The following PALM2AKAP2 variants were observed in gnomAD, a reference collection of about 807,000 sequenced individuals.
PALM2AKAP2 encodes the protein PALM2-AKAP2 fusion protein.
In PALM2AKAP2, 37 loss-of-function variants were observed where a neutral mutation model predicts 71.5. The ratio of observed to expected loss-of-function variants is 0.52; its 90% CI spans 0.40 to 0.68. The LOEUF is 0.68. Among genes scored for constraint, PALM2AKAP2 ranks in the 30% least tolerant of loss-of-function variants. PALM2AKAP2 has a pLI of 0.00. For synonymous variants in PALM2AKAP2, 468 were observed against 478.8 expected (o/e 0.98, Z 0.29); for missense variants, 1,224 against 1,191.8 (o/e 1.03, Z -0.40).
At chr9:109,804,870 T>C (rs978062108) in intron 1 of PALM2AKAP2, among the ~76,000 whole-genome samples, 3 of 152,208 alleles carry the variant, frequency 2.0e-5, no homozygotes, top group Admixed American at 6.5e-5. Flanking sequence ...TATGTTAACA[T>C]TTTTAAAGAA....
At chr9:109,862,427 T>C (rs1162968605) in intron 1 of PALM2AKAP2, among the ~76,000 whole-genome samples, 1 of 152,218 alleles carries the variant, frequency 6.6e-6, no homozygotes, top group African/African-American at 2.4e-5. Context: ...TGTAGATGCA[T>C]TTCTTTTATG....
intron 1 of PALM2AKAP2, among the ~76,000 whole-genome samples, chr9:110,096,280 A>G (rs969050807): frequency 2.9e-4 from 44 of 152,000 alleles, no homozygotes; most frequent in Admixed American, 5.2e-4. Context: ...TTTTGTCTTT[A>G]TAAGACAGGG....
chr9:110,121,147 T>C (rs550660649), intron 1 of PALM2AKAP2, among the ~76,000 whole-genome samples: 1 of 152,330 alleles, frequency 6.6e-6, no homozygotes, highest in African/African-American at 2.4e-5. Context: ...ATTTTCCCCT[T>C]AATAAATTAA....
Position 110,018,725 on chromosome 9 carries a change from G to A in PALM2AKAP2, c.582+2686G>A, listed in dbSNP as rs74680814. Among the ~76,000 whole-genome samples the A allele has an allele frequency of 8.4e-3, 1,277 of 152,260 alleles. 25 individuals carry two copies. Among genetic ancestry groups the A allele is most frequent in the African/African-American group, 0.029 (1,213 of 41,542 alleles). Reference sequence around the variant, plus strand: ...CCAGTTCCTTCTCACTAAGGAATTTGTGAATTTTCTAGGTGGATATAACTA... The same window carrying A: ...CCAGTTCCTTCTCACTAAGGAATTTATGAATTTTCTAGGTGGATATAACTA... On this transcript the variant is annotated intron_variant, in intron 7 of 9. Coordinates refer to the PALM2AKAP2 transcript ENST00000302798.
chr9:109,828,270 CTA>C (rs1331918140), intron 1 of PALM2AKAP2, among the ~76,000 whole-genome samples: 1 of 152,122 alleles, frequency 6.6e-6, no homozygotes, highest in Admixed American at 6.5e-5. Flanking sequence ...GCTTACCAGG[CTA>C]TGTCCCAATT....
At position 109,827,984 on chromosome 9, in the gene PALM2AKAP2, A is replaced by G. The variant is rs545388784; in HGVS notation, c.46-39507A>G. Reference sequence around the variant, plus strand: ...CATAAAGGGCAAGAGAAGTAGAGCCAGCTTTTATTGAGTACCTGCCTACCT... The same window carrying G: ...CATAAAGGGCAAGAGAAGTAGAGCCGGCTTTTATTGAGTACCTGCCTACCT... On this transcript the variant is annotated intron_variant, in intron 1 of 9. Coordinates refer to the PALM2AKAP2 transcript ENST00000302798. 9.2e-5 allele frequency among the ~76,000 whole-genome samples: 14 copies of G among 152,358 alleles called. No individual in the cohort carries two copies. In the South Asian group the frequency reaches 2.9e-3, roughly 32 times the overall value.
rs182119067 is a variant in PALM2AKAP2, at chr9:110,004,669, A to G, written c.497-11285A>G. ...CTCCCTGTCACTTTCAGGTACACCA[A>G]TCAGATGTAGATTTGGTCTTTTCAC... On this transcript the variant is annotated intron_variant, in intron 6 of 9. Coordinates refer to the PALM2AKAP2 transcript ENST00000302798. Among the ~76,000 whole-genome samples, 16 of 152,198 alleles carry G rather than the reference A, an allele frequency of 1.1e-4. No homozygotes were observed. In the East Asian group the frequency reaches 3.1e-3, roughly 29 times the overall value.
intron 1 of PALM2AKAP2, among the ~76,000 whole-genome samples, chr9:109,758,929 C>G (rs1829008706): frequency 6.6e-6 from 1 of 151,998 alleles, no homozygotes; most frequent in Non-Finnish European, 1.5e-5. Flanking sequence ...ATTTGCCTTT[C>G]TCTTATTATG....
At chr9:110,126,325 T>C (rs1362224235) in intron 1 of PALM2AKAP2, among the ~76,000 whole-genome samples, 1 of 152,208 alleles carries the variant, frequency 6.6e-6, no homozygotes, top group Non-Finnish European at 1.5e-5. Flanking sequence ...TCACCAGGCG[T>C]GAACCCAAGA....
At chr9:109,694,083 CTTGACTGTTTTG>C (rs935677556) in intron 1 of PALM2AKAP2, among the ~76,000 whole-genome samples, 12 of 152,054 alleles carry the variant, frequency 7.9e-5, no homozygotes, top group Admixed American at 2.0e-4. Context: ...AGGGCAGGAG[CTTGACTGTTTTG>C]TTTACTCCAG....
At chr9:109,705,971 G>A (rs1285547142) in intron 1 of PALM2AKAP2, among the ~76,000 whole-genome samples, 1 of 152,140 alleles carries the variant, frequency 6.6e-6, no homozygotes, top group African/African-American at 2.4e-5. Context: ...CCCACTAAGG[G>A]AGGAGAGAAG....
intron 6 of PALM2AKAP2, among the ~76,000 whole-genome samples, chr9:110,009,773 C>T (rs1832847396): frequency 6.6e-6 from 1 of 151,966 alleles, no homozygotes; most frequent in South Asian, 2.1e-4. Flanking sequence ...CTACTCAAAC[C>T]CTCATGGCTT....
chr9:109,730,208 C>A (rs1828534555), intron 1 of PALM2AKAP2, among the ~76,000 whole-genome samples: 1 of 152,160 alleles, frequency 6.6e-6, no homozygotes, highest in Non-Finnish European at 1.5e-5. Context: ...TTTCAAGCTT[C>A]TAGTAATTCA....
chr9:109,796,105 C>T (rs2118905904), intron 1 of PALM2AKAP2, among the ~76,000 whole-genome samples: 1 of 152,342 alleles, frequency 6.6e-6, no homozygotes, highest in East Asian at 1.9e-4. Flanking sequence ...TAGCAGAGTT[C>T]TTGTTCTGTA....
At position 109,806,853 on chromosome 9, in the gene PALM2AKAP2, C is replaced by G. The variant is rs77155360; in HGVS notation, c.45+26320C>G. 1.6e-3 allele frequency among the ~76,000 whole-genome samples: 247 copies of G among 152,212 alleles called. 3 individuals are homozygous for G. In the East Asian group the frequency reaches 0.022, roughly 14 times the overall value. On this transcript the variant is annotated intron_variant, in intron 1 of 9. Coordinates refer to the PALM2AKAP2 transcript ENST00000302798. ...CTATATACCGTGGTAAGGATGTTGG[C>G]CTTTACTTGACATGAGATCAGAATC...
chr9:109,843,988 C>A (rs1377891563), intron 1 of PALM2AKAP2, among the ~76,000 whole-genome samples: 2 of 152,202 alleles, frequency 1.3e-5, no homozygotes, highest in Non-Finnish European at 2.9e-5. Context: ...TTTGGTTGGT[C>A]CTAGACAAAA....
At chr9:109,757,591 C>T (rs1171337905) in intron 1 of PALM2AKAP2, among the ~76,000 whole-genome samples, 1 of 151,966 alleles carries the variant, frequency 6.6e-6, no homozygotes, top group East Asian at 1.9e-4. Context: ...AAATGGTGCC[C>T]CAGAGTTTGA....
At chr9:109,819,598 G>T (rs1026462534) in intron 1 of PALM2AKAP2, among the ~76,000 whole-genome samples, 2 of 152,210 alleles carry the variant, frequency 1.3e-5, no homozygotes, top group African/African-American at 4.8e-5. Flanking sequence ...CAGGATGCAA[G>T]ACAACACACA....
intron 6 of PALM2AKAP2, among the ~76,000 whole-genome samples, chr9:110,005,669 T>A (rs978199541): frequency 3.9e-5 from 6 of 152,178 alleles, no homozygotes; most frequent in African/African-American, 1.4e-4. Flanking sequence ...TGCGGTGGGC[T>A]CCACCCAGTT....
Sources: allele counts gnomAD v4.1 joint callset (sites outside exome capture counted in the v4.1 genomes callset), GRCh38; gene constraint gnomAD v4.1.1; transcripts MANE v1.5; gene names NCBI Gene and HGNC (gene_info 2026-07-23, HGNC 2026-07-21).